Variants in SEMA7A observed in about 807,000 individuals in gnomAD.
SEMA7A encodes the protein semaphorin-7A.
In SEMA7A, 21 loss-of-function variants were observed where a neutral mutation model predicts 67.5. That is an observed-to-expected ratio of 0.31 (90% CI 0.22 to 0.45). The LOEUF (loss-of-function observed/expected upper bound fraction) is 0.45, where lower values mean the gene tolerates loss of function less well. Ranked by LOEUF, SEMA7A falls within the 20% of genes least tolerant of loss-of-function variation. The pLI is 1.00. For synonymous variants in SEMA7A, 364 were observed against 368.5 expected, an observed-to-expected ratio of 0.99 and a Z score of 0.14; for missense variants, 774 against 908.6, an observed-to-expected ratio of 0.85 and a Z score of 1.90.
chr15:74,409,661 C>G lies in SEMA7A; in HGVS notation c.*963G>C, dbSNP rs1379267515. On this transcript the variant is annotated 3_prime_UTR_variant, in exon 14 of 14. Transcript: ENST00000261918. ...AAGGGCAGAGTCCTGGAACCTCCCC[C>G]TGAGGACCCGGCTCGTCCTTCCAAA... 1 of 151,694 alleles carries G rather than the reference C, an allele frequency of 6.6e-6. No individual in the cohort carries two copies. The highest frequency in any genetic ancestry group is 1.5e-5 in the Non-Finnish European group (1 of 67,882). The allele number at this position is 151,694 out of a possible 1,614,324, so 9.4% of individuals were successfully genotyped here. A position where few individuals can be genotyped will look rare whatever the true frequency, so the allele number is the denominator to read the frequency against.
At chr15:74,417,545 A>G (rs759602860) in intron 5 of SEMA7A, 46 bp downstream of exon 5, 3 of 1,593,634 alleles carry the variant, frequency 1.9e-6, no homozygotes, top group Admixed American at 1.7e-5. Context: ...CTCCCAGCCC[A>G]GTTCAGAAGC....
intron 6 of SEMA7A, among the ~76,000 whole-genome samples, chr15:74,416,955 C>T (rs2060954765): frequency 6.6e-6 from 1 of 152,174 alleles, no homozygotes; most frequent in African/African-American, 2.4e-5. Flanking sequence ...TGACTTCATG[C>T]CTGGGGACTG....
At chr15:74,413,040 C>T (rs528945008) in intron 10 of SEMA7A, among the ~76,000 whole-genome samples, 3 of 152,306 alleles carry the variant, frequency 2.0e-5, no homozygotes, top group South Asian at 2.1e-4. Context: ...TCCCTCCCTC[C>T]CAATTTCCCA....
Position 74,411,947 on chromosome 15 carries a change from T to C in SEMA7A, c.1360A>G (p.Met454Val), listed in dbSNP as rs2060904918. The change falls in exon 11 of 14, where the codon ATG (methionine) becomes GTG (valine). Residue 454 changes from methionine (M) to valine (V), a missense_variant. By Grantham distance (21) the Met-to-Val change is conservative. Around this residue, in one of 2 missense-constraint regions of SEMA7A, gnomAD observed 427 missense variants for 555.4 expected, o/e 0.77. Coordinates refer to ENST00000261918, the MANE Select transcript of SEMA7A (RefSeq NM_003612.5). This position sits in a 1 kb window ranked among gnomAD's most constrained non-coding sequence, Gnocchi z 4.4. The stretch of plus-strand genomic sequence containing the variant: ...GCGCGGCGGAAGGGCTGGATCTCCA[T>C]GATGTTGAAGGCGAAGCTGTGCTCC... ...EQEHSFAFNI[M>V]EIQPFRRAAA... The C allele has an allele frequency of 3.7e-6, 6 of 1,613,972 alleles. No individual in the cohort carries two copies. The highest frequency in any genetic ancestry group is 5.1e-6 in the Non-Finnish European group (6 of 1,180,012).
rs1389473068 is a variant in SEMA7A at position 74,409,775 on chromosome 15, G to A, written c.*849C>T. The A allele has an allele frequency of 1.6e-5, 2 of 127,620 alleles. No homozygotes were observed. The highest frequency in any genetic ancestry group is 3.2e-5 in the Non-Finnish European group (2 of 62,848). The allele number at this position is 127,620 out of a possible 1,614,324, so 7.9% of individuals were successfully genotyped here. A position where few individuals can be genotyped will look rare whatever the true frequency, so the allele number is the denominator to read the frequency against. ...CTCCCATAACCACCCCCAACACTAG[G>A]GGCTCCAACAACGTCCCCCTCAGAC... On this transcript the variant is annotated 3_prime_UTR_variant, in exon 14 of 14. Transcript: ENST00000261918.
intron 1 of SEMA7A, chr15:74,433,538 C>A (rs2061111543): frequency 8.3e-7 from 1 of 1,207,516 alleles, no homozygotes. Flanking sequence ...TCGCTCGCCG[C>A]AGCGTTACAG....
rs1291205458 is a variant in SEMA7A, at chr15:74,417,409, T to C, written c.587A>G (p.Tyr196Cys). The change falls in exon 6 of 14, where the codon TAC becomes TGC. Residue 196 changes from tyrosine (Y) to cysteine (C), a missense_variant. By Grantham distance (194) the Tyr-to-Cys change is radical. Around this residue, in one of 2 missense-constraint regions of SEMA7A, gnomAD observed 347 missense variants for 353.2 expected, o/e 0.98. Transcript: ENST00000261918. ...EVYSTIRKQE[Y>C]NGKIPRFRRI... ...GCGGAACCGAGGGATCTTCCCATTGTATTCCTGCTTCCGGATGGTGGAATA... is the reference window on the plus strand; with the variant it reads ...GCGGAACCGAGGGATCTTCCCATTGCATTCCTGCTTCCGGATGGTGGAATA... 6.2e-7 allele frequency: 1 copy of C among 1,614,020 alleles called. No homozygotes were observed. Among genetic ancestry groups the C allele is most frequent in the South Asian group, 1.1e-5 (1 of 91,086 alleles).
chr15:74,431,607 T>C (rs8027294), intron 1 of SEMA7A, among the ~76,000 whole-genome samples: 6,435 of 152,280 alleles, frequency 0.042, 425 homozygotes, highest in African/African-American at 0.14. Context: ...CCACCACTGG[T>C]AGACAGAGCT....
At chr15:74,418,615 G>A (rs1426318593) in intron 2 of SEMA7A, among the ~76,000 whole-genome samples, 186 bp downstream of exon 2, 1 of 152,132 alleles carries the variant, frequency 6.6e-6, no homozygotes, top group African/African-American at 2.4e-5. Flanking sequence ...TCTCCACACC[G>A]CCCCAGCTCC....
chr15:74,424,661 A>G (rs2061028133), intron 1 of SEMA7A, among the ~76,000 whole-genome samples: 1 of 152,200 alleles, frequency 6.6e-6, no homozygotes, highest in Non-Finnish European at 1.5e-5. Flanking sequence ...GAGAAGGGAC[A>G]GTGTGGAAAG....
Position 74,417,607 on chromosome 15 carries a change from G to A in SEMA7A, c.534C>T (p.Ser178=). The A allele has an allele frequency of 6.2e-7, 1 of 1,612,896 alleles. No homozygotes were observed. The highest frequency in any genetic ancestry group is 1.3e-5 in the African/African-American group (1 of 75,038). The change falls in exon 5 of 14, where the codon TCC becomes TCT. Residue 178 remains serine, a synonymous_variant. Coordinates refer to ENST00000261918, the MANE Select transcript of SEMA7A (RefSeq NM_003612.5). ...CTGCCCTACCTTCAAACAGAACCAGGGAGTTCTCGTCCGGGCTGAAGGGGG... is the reference window on the plus strand; with the variant it reads ...CTGCCCTACCTTCAAACAGAACCAGAGAGTTCTCGTCCGGGCTGAAGGGGG... ...GYAPFSPDEN[S]LVLFEGDEVY...
At chr15:74,412,421 CA>C (rs1270591707) in intron 10 of SEMA7A, among the ~76,000 whole-genome samples, 4 of 152,220 alleles carry the variant, frequency 2.6e-5, no homozygotes, top group African/African-American at 9.6e-5. Context: ...AAGGCTAAGC[CA>C]CTTGCTCAAG....
chr15:74,416,786 T>C, intron 6 of SEMA7A, 72 bp from the exon 7 acceptor site: 1 of 1,527,762 alleles, frequency 6.5e-7, no homozygotes, highest in Admixed American at 1.7e-5. Flanking sequence ...CCCTGCACAC[T>C]CTCCTCCCTC....
intron 4 of SEMA7A, 41 bp downstream of exon 4, chr15:74,417,836 G>C: frequency 6.3e-7 from 1 of 1,598,184 alleles, no homozygotes; most frequent in South Asian, 1.1e-5. Flanking sequence ...CCACGCAGTA[G>C]AAGGTGAGCT....
chr15:74,430,101 T>C (rs2061075398), intron 1 of SEMA7A, among the ~76,000 whole-genome samples: 1 of 152,210 alleles, frequency 6.6e-6, no homozygotes, highest in Admixed American at 6.5e-5. Flanking sequence ...ATCCCCAAGC[T>C]CATCCCCAAG....
At position 74,418,269 on chromosome 15, in the gene SEMA7A, C is replaced by A; in HGVS notation, c.371G>T (p.Arg124Leu). 6.2e-7 allele frequency: 1 copy of A among 1,612,700 alleles called. No individual in the cohort carries two copies. The highest frequency in any genetic ancestry group is 2.2e-5 in the East Asian group (1 of 44,864). The change falls in exon 3 of 14, where the codon CGG (arginine) becomes CTG (leucine). Residue 124 changes from arginine (R) to leucine (L), a missense_variant and splice_region_variant. Transcript: ENST00000261918. ...CTCCATACCCCCTCCCCCACTCACC[C>A]GCTTATCCAGACAGGACCCCTTTGT... ...GSTKGSCLDK[R>L]DCENYITLLE...
At chr15:74,425,652 CT>C (rs2061038437) in intron 1 of SEMA7A, among the ~76,000 whole-genome samples, 1 of 152,188 alleles carries the variant, frequency 6.6e-6, no homozygotes, top group African/African-American at 2.4e-5. Flanking sequence ...TAGTGAATTC[CT>C]ATGCTTTGAT....
chr15:74,417,712 C>A, intron 4 of SEMA7A, 37 bp from the exon 5 acceptor site: 5 of 1,577,746 alleles, frequency 3.2e-6, no homozygotes, highest in Non-Finnish European at 4.3e-6. Flanking sequence ...GCCACATAAT[C>A]CCACAGCCAC....
intron 1 of SEMA7A, among the ~76,000 whole-genome samples, chr15:74,432,485 C>T (rs1175189513): frequency 6.6e-6 from 1 of 152,218 alleles, no homozygotes; most frequent in Non-Finnish European, 1.5e-5. Flanking sequence ...TGGACTGGTC[C>T]TGTGCCAGAT....
Sources: allele counts gnomAD v4.1 joint callset (sites outside exome capture counted in the v4.1 genomes callset), GRCh38; gene constraint gnomAD v4.1.1; regional missense constraint gnomAD v4.1.1; non-coding constraint Gnocchi (gnomAD v3.1); transcripts MANE v1.5; gene names NCBI Gene and HGNC (gene_info 2026-07-23, HGNC 2026-07-21).